PALLD: variants seen among roughly 807,000 people sequenced by gnomAD.
PALLD encodes palladin, cytoskeletal associated protein.
PALLD carries 61 observed loss-of-function variants against 123.5 expected under a neutral mutation model. That is an observed-to-expected ratio of 0.49 (90% CI 0.40 to 0.61). PALLD has a LOEUF of 0.61. Among genes scored for constraint, PALLD ranks in the 20% least tolerant of loss-of-function variants. The pLI is 0.00. For synonymous variants in PALLD, 465 were observed against 496.4 expected, an observed-to-expected ratio of 0.94 and a Z score of 0.84; for missense variants, 1,273 against 1,377.0, an observed-to-expected ratio of 0.92 and a Z score of 1.20.
intron 6 of PALLD, among the ~76,000 whole-genome samples, chr4:168,685,810 GAAAAAAAAAAAAAA>G (rs70961550): frequency 1.5e-5 from 1 of 65,632 alleles, no homozygotes; most frequent in Non-Finnish European, 2.8e-5. Flanking sequence ...AAGACAGATA[GAAAAAAAAAAAAAA>G]AAAAAAAAAA....
At chr4:168,598,722 T>C (rs1056851344) in intron 2 of PALLD, 6 of 404,082 alleles carry the variant, frequency 1.5e-5, no homozygotes, top group African/African-American at 1.1e-4. Context: ...TACCCTTGCC[T>C]CCTATCTGGA....
At chr4:168,585,418 A>C (rs548226507) in intron 2 of PALLD, among the ~76,000 whole-genome samples, 1 of 152,260 alleles carries the variant, frequency 6.6e-6, no homozygotes, top group African/African-American at 2.4e-5. Flanking sequence ...CTTCAATTAT[A>C]CTGGCAGGTC....
At chr4:168,540,669 A>G (rs1765524854) in intron 2 of PALLD, among the ~76,000 whole-genome samples, 2 of 152,096 alleles carry the variant, frequency 1.3e-5, no homozygotes, top group Non-Finnish European at 2.9e-5. Context: ...TTGCTTTTTA[A>G]TGAGTCATTA....
intron 8 of PALLD, among the ~76,000 whole-genome samples, chr4:168,708,728 A>G (rs1005644490): frequency 6.6e-6 from 1 of 152,176 alleles, no homozygotes; most frequent in Non-Finnish European, 1.5e-5. Context: ...ACACTTGCAG[A>G]CATCTCGTTT....
At chr4:168,596,667 T>C (rs1580490125) in intron 2 of PALLD, among the ~76,000 whole-genome samples, 2 of 151,394 alleles carry the variant, frequency 1.3e-5, no homozygotes, top group Admixed American at 1.3e-4. Context: ...GTCTTATAGA[T>C]TGGGTCCTAT....
At chr4:168,539,577 AAATAAAT>A (rs1765413915) in intron 2 of PALLD, among the ~76,000 whole-genome samples, 3 of 12,308 alleles carry the variant, frequency 2.4e-4, no homozygotes, top group Non-Finnish European at 6.1e-4. Context: ...AAAAATAAAT[AAATAAAT>A]AAATAAATAA....
chr4:168,894,553 T>C, intron 11 of PALLD, 26 bp from the exon 12 acceptor site: 1 of 1,503,678 alleles, frequency 6.7e-7, no homozygotes, highest in Non-Finnish European at 9.2e-7. Flanking sequence ...TCTAATTTTG[T>C]ATTTTTTGTG....
intron 10 of PALLD, among the ~76,000 whole-genome samples, chr4:168,758,060 G>A (rs190254007): frequency 6.6e-6 from 1 of 152,294 alleles, no homozygotes; most frequent in East Asian, 1.9e-4. Flanking sequence ...GACAGAGCGA[G>A]ACTCCATCTC....
intron 1 of PALLD, among the ~76,000 whole-genome samples, chr4:168,506,612 G>C (rs1262131049): frequency 1.3e-5 from 2 of 152,010 alleles, no homozygotes; most frequent in Non-Finnish European, 2.9e-5. Flanking sequence ...AATTTGGTTT[G>C]TATAAAACAT....
In PALLD at chr4:168,926,487, T is replaced by C; in HGVS notation, c.*307T>C. 1 of 693,614 alleles carries C rather than the reference T, an allele frequency of 1.4e-6. No homozygotes were observed. Among genetic ancestry groups the C allele is most frequent in the Non-Finnish European group, 2.1e-6 (1 of 484,634 alleles). The allele number at this position is 693,614 out of a possible 1,614,324, so 43.0% of individuals were successfully genotyped here. ...AAAGGCAGAAACATACCTTTGACTA[T>C]AAGAAATTAAAAAAAAAACACCAAA... is the stretch of plus-strand genomic sequence containing the variant. On this transcript the variant is annotated 3_prime_UTR_variant, in exon 22 of 22. Transcript: ENST00000505667.
chr4:168,528,573 T>C (rs1369242221), intron 2 of PALLD, among the ~76,000 whole-genome samples: 4 of 152,212 alleles, frequency 2.6e-5, no homozygotes, highest in African/African-American at 9.7e-5. Flanking sequence ...TAGGTTCTGT[T>C]ATTACGTGTT....
At chr4:168,732,059 G>C (rs1364944122) in intron 10 of PALLD, among the ~76,000 whole-genome samples, 1 of 152,196 alleles carries the variant, frequency 6.6e-6, no homozygotes, top group Non-Finnish European at 1.5e-5. Flanking sequence ...GAGCCCTCCA[G>C]GAATTTTGTT....
intron 12 of PALLD, among the ~76,000 whole-genome samples, chr4:168,895,577 T>C (rs968298705): frequency 3.9e-5 from 6 of 152,186 alleles, no homozygotes; most frequent in Admixed American, 2.0e-4. Flanking sequence ...TCTTAAGGAA[T>C]AGAAGATACA....
At chr4:168,777,473 GA>G (rs1239367352) in intron 10 of PALLD, among the ~76,000 whole-genome samples, 1 of 151,982 alleles carries the variant, frequency 6.6e-6, no homozygotes, top group East Asian at 1.9e-4. Flanking sequence ...CATGATAAGA[GA>G]AAATGGAAAG....
chr4:168,755,575 T>C (rs1195720600), intron 10 of PALLD, among the ~76,000 whole-genome samples: 1 of 152,136 alleles, frequency 6.6e-6, no homozygotes, highest in Non-Finnish European at 1.5e-5. Flanking sequence ...GACTTCGGTG[T>C]CTATTCAATG....
intron 10 of PALLD, among the ~76,000 whole-genome samples, chr4:168,828,259 G>A (rs1037181254): frequency 1.3e-5 from 2 of 152,062 alleles, no homozygotes; most frequent in Non-Finnish European, 2.9e-5. Context: ...GCAAAATGCC[G>A]GAAGATATAT....
chr4:168,878,622 AAT>A (rs1752172761), intron 10 of PALLD, among the ~76,000 whole-genome samples: 1 of 150,860 alleles, frequency 6.6e-6, no homozygotes, highest in African/African-American at 2.4e-5. Context: ...CCTCTGAATT[AAT>A]ATGAGATTCT....
intron 10 of PALLD, among the ~76,000 whole-genome samples, chr4:168,865,903 T>A (rs771952816): frequency 6.6e-6 from 1 of 152,032 alleles, no homozygotes; most frequent in African/African-American, 2.4e-5. Context: ...AGAAAATTGG[T>A]GGCACAGTCA....
intron 8 of PALLD, among the ~76,000 whole-genome samples, chr4:168,697,104 G>C (rs1264961283): frequency 6.6e-6 from 1 of 152,160 alleles, no homozygotes; most frequent in Non-Finnish European, 1.5e-5. Flanking sequence ...GATGCAAATA[G>C]CTTAGGCCTT....
Sources: gnomAD v4.1 joint callset for allele counts (sites outside exome capture counted in the v4.1 genomes callset) on GRCh38, gnomAD v4.1.1 for gene constraint, MANE v1.5 for transcripts, NCBI Gene and HGNC (gene_info 2026-07-23, HGNC 2026-07-21) for gene names.